Variants in CADPS observed in about 807,000 individuals in gnomAD.
CADPS encodes the protein calcium-dependent secretion activator 1.
In CADPS, 57 loss-of-function variants were observed where a neutral mutation model predicts 167.3. That is an observed-to-expected ratio of 0.34 (90% CI 0.28 to 0.42). CADPS has a LOEUF of 0.42. CADPS is among the 20% of genes least tolerant of loss of function. The pLI, the probability that CADPS is intolerant of heterozygous loss-of-function variation, is 1.00. For synonymous variants in CADPS, 676 were observed against 635.3 expected, an observed-to-expected ratio of 1.06 and a Z score of -0.96; for missense variants, 1,414 against 1,738.1, an observed-to-expected ratio of 0.81 and a Z score of 3.32.
intron 6 of CADPS, among the ~76,000 whole-genome samples, chr3:62,638,717 A>T (rs1312761311): frequency 6.6e-6 from 1 of 152,184 alleles, no homozygotes; most frequent in Non-Finnish European, 1.5e-5. Context: ...CTGAAATTCC[A>T]ACTAATTTCA....
At chr3:62,604,560 T>C (rs2060430168) in intron 6 of CADPS, among the ~76,000 whole-genome samples, 1 of 152,228 alleles carries the variant, frequency 6.6e-6, no homozygotes, top group South Asian at 2.1e-4. Flanking sequence ...AGTCTACATT[T>C]TCCAAGGTTG....
chr3:62,478,219 G>A lies in CADPS; in HGVS notation c.3329+42C>T. The A allele has an allele frequency of 6.2e-7, 1 of 1,604,056 alleles. No homozygotes were observed. The highest frequency in any genetic ancestry group is 8.5e-7 in the Non-Finnish European group (1 of 1,172,100). ...CTACCCTTCCCTGAGTCTGTGTATG[G>A]TGGGGAGGGTGTGCAGAACCTGTCC... is the stretch of plus-strand genomic sequence containing the variant. On this transcript the variant is annotated intron_variant, in intron 23 of 29. Coordinates refer to ENST00000383710, the MANE Select transcript of CADPS (RefSeq NM_003716.4). This position sits in a 1 kb window ranked among gnomAD's most constrained non-coding sequence, Gnocchi z 5.7.
intron 27 of CADPS, among the ~76,000 whole-genome samples, chr3:62,441,855 C>G (rs1021990986): frequency 1.3e-5 from 2 of 152,228 alleles, no homozygotes; most frequent in African/African-American, 4.8e-5. Flanking sequence ...CTTGCAAAAG[C>G]TCCCTAGTTT....
At chr3:62,858,980 T>C (rs1037866122) in intron 1 of CADPS, among the ~76,000 whole-genome samples, 1 of 152,136 alleles carries the variant, frequency 6.6e-6, no homozygotes, top group Non-Finnish European at 1.5e-5. Context: ...ATGACAAAGA[T>C]AGTATTGAGT....
intron 3 of CADPS, among the ~76,000 whole-genome samples, chr3:62,717,819 C>A (rs530466733): frequency 4.6e-5 from 7 of 152,254 alleles, no homozygotes. Flanking sequence ...CCAAACTCAC[C>A]ATCATTAACT....
chr3:62,707,720 T>G (rs1564116626), intron 3 of CADPS, among the ~76,000 whole-genome samples: 1 of 152,126 alleles, frequency 6.6e-6, no homozygotes, highest in East Asian at 1.9e-4. Context: ...GAAAACACAA[T>G]ATAAAATTTC....
intron 8 of CADPS, among the ~76,000 whole-genome samples, chr3:62,573,796 A>G (rs958115643): frequency 1.1e-4 from 17 of 152,112 alleles, no homozygotes. Flanking sequence ...TTGTGGTTAT[A>G]TTTATTGTTC....
chr3:62,828,944 A>T (rs146311363), intron 1 of CADPS, among the ~76,000 whole-genome samples: 12 of 152,270 alleles, frequency 7.9e-5, no homozygotes, highest in Non-Finnish European at 1.6e-4. Flanking sequence ...ACTGTGTTAC[A>T]TTCAGTGTAC....
chr3:62,399,258 G>A lies in CADPS; in HGVS notation c.*148C>T, dbSNP rs1483878153. On this transcript the variant is annotated 3_prime_UTR_variant, in exon 30 of 30. Transcript: ENST00000383710. The surrounding 1 kb of genome is among the most constrained non-coding windows in gnomAD (Gnocchi z 5.6). ...GATATGAAGGTCATTTGCTAATCTT[G>A]GTACCACATAGCTAAAATGGCAGTT... 5 of 666,996 alleles carry A rather than the reference G, an allele frequency of 7.5e-6. No homozygotes were observed. The highest frequency in any genetic ancestry group is 3.6e-5 in the African/African-American group (2 of 55,242). 41.3% of individuals were successfully genotyped at this position (666,996 alleles called of 1,614,324 possible). A position where few individuals can be genotyped will look rare whatever the true frequency, so the allele number is the denominator to read the frequency against.
At chr3:62,672,516 C>T (rs999282892) in intron 3 of CADPS, among the ~76,000 whole-genome samples, 15 of 152,174 alleles carry the variant, frequency 9.9e-5, no homozygotes, top group African/African-American at 3.4e-4. Context: ...CATCTCCCAC[C>T]ACTCTGTCTT....
intron 13 of CADPS, among the ~76,000 whole-genome samples, chr3:62,525,941 T>C (rs572708384): frequency 6.6e-6 from 1 of 152,112 alleles, no homozygotes; most frequent in African/African-American, 2.4e-5. Context: ...ACCTAAACTA[T>C]GGTAGTGGCA....
In CADPS at chr3:62,681,697, T is replaced by C. The variant is rs571556712; in HGVS notation, c.889-19303A>G. On this transcript the variant is annotated intron_variant, in intron 3 of 29. Transcript: ENST00000383710. ...CGTCTACATGAACAAAAACCTACAC[T>C]GGATTCCCATGTAATGCAGTCCCTC... Among the ~76,000 whole-genome samples the C allele has an allele frequency of 6.6e-5, 10 of 152,190 alleles. No homozygotes were observed. The South Asian group carries it at 1.9e-3, about 28-fold the overall frequency.
In CADPS at chr3:62,860,488, GC is replaced by G. The variant is rs576469602; in HGVS notation, c.441+14100del. ...TGCATATGCTCAAGTCTCACCGTTG[GC>G]CCTGTGGAACCTGCATAGGAAGTCA... On this transcript the variant is annotated intron_variant, in intron 1 of 29. Transcript: ENST00000383710. Among the ~76,000 whole-genome samples the G allele has an allele frequency of 3.6e-3, 546 of 152,226 alleles. 2 individuals are homozygous for G. Among genetic ancestry groups the G allele is most frequent in the African/African-American group, 0.012 (514 of 41,554 alleles).
At chr3:62,567,561 C>T (rs980752664) in intron 9 of CADPS, among the ~76,000 whole-genome samples, 6 of 130,744 alleles carry the variant, frequency 4.6e-5, no homozygotes, top group Non-Finnish European at 3.1e-5. Context: ...TGACTAAGCA[C>T]TGCTTTTTTT....
intron 17 of CADPS, among the ~76,000 whole-genome samples, chr3:62,507,676 C>G: frequency 6.6e-6 from 1 of 152,180 alleles, no homozygotes; most frequent in East Asian, 1.9e-4. Context: ...CCAGGCTCCA[C>G]CCCAGACCTG....
chr3:62,577,642 T>C (rs1258341709), intron 8 of CADPS, among the ~76,000 whole-genome samples: 1 of 152,246 alleles, frequency 6.6e-6, no homozygotes, highest in Non-Finnish European at 1.5e-5. Flanking sequence ...TCTATAGCTG[T>C]AGCTATTAAC....
chr3:62,541,207 G>A (rs1215080271), intron 11 of CADPS, among the ~76,000 whole-genome samples: 1 of 152,120 alleles, frequency 6.6e-6, no homozygotes, highest in Non-Finnish European at 1.5e-5. Flanking sequence ...ACCTGTGTCA[G>A]ACCTAGTCTT....
intron 3 of CADPS, among the ~76,000 whole-genome samples, chr3:62,667,215 T>A (rs115272161): frequency 1.3e-5 from 2 of 152,134 alleles, no homozygotes; most frequent in African/African-American, 4.8e-5. Context: ...TGTTGGCACA[T>A]AGAGGTCCTA....
At chr3:62,404,775 A>ATTTTTTTTTTTTTTTTTT (rs35095820) in intron 28 of CADPS, 1 of 99,726 alleles carries the variant, frequency 1.0e-5, no homozygotes, top group Non-Finnish European at 2.0e-5. Context: ...TAGGAAGTAG[A>ATTTTTTTTTTTTTTTTTT]TTTTTTTTTT....
Sources: gnomAD v4.1 joint callset for allele counts (sites outside exome capture counted in the v4.1 genomes callset) on GRCh38, gnomAD v4.1.1 for gene constraint, Gnocchi (gnomAD v3.1) non-coding constraint, MANE v1.5 for transcripts, NCBI Gene and HGNC (gene_info 2026-07-23, HGNC 2026-07-21) for gene names.